Variants in CCL17 observed in about 807,000 individuals in gnomAD.
CCL17 encodes the protein C-C motif chemokine 17.
CCL17 carries 8 observed loss-of-function variants against 7.4 expected under a neutral mutation model. That is an observed-to-expected ratio of 1.09 (90% CI 0.64 to 1.96). The LOEUF (loss-of-function observed/expected upper bound fraction) is 1.96. CCL17 is among the 30% of genes most tolerant of loss of function. The pLI, the probability that CCL17 is intolerant of heterozygous loss-of-function variation, is 0.00. For synonymous variants in CCL17, 40 were observed against 46.1 expected, an observed-to-expected ratio of 0.87 and a Z score of 0.54; for missense variants, 102 against 113.0, an observed-to-expected ratio of 0.90 and a Z score of 0.44.
At chr16:57,413,675 C>T (rs1158310221) in intron 1 of CCL17, among the ~76,000 whole-genome samples, 199 bp from the exon 2 acceptor site, 7 of 152,238 alleles carry the variant, frequency 4.6e-5, no homozygotes, top group African/African-American at 1.7e-4. Flanking sequence ...GCTCTAGACA[C>T]ATGTACCCCA....
chr16:57,415,675 G>T lies in CCL17; in HGVS notation c.189-90G>T. ...ACTTCCTGCCCCTCTTGGAGCCTTG[G>T]AATCCTGGTCAGCACAGGGCGGGCC... is the stretch of plus-strand genomic sequence containing the variant. On this transcript the variant is annotated intron_variant, in intron 3 of 3. Transcript: ENST00000219244. This position sits in a 1 kb window ranked among gnomAD's most constrained non-coding sequence, Gnocchi z 4.5. The T allele has an allele frequency of 3.7e-6, 3 of 809,564 alleles. No individual in the cohort carries two copies. The South Asian group carries it at 4.2e-5, about 11-fold the overall frequency. The allele number at this position is 809,564 out of a possible 1,614,324, so 50.1% of individuals were successfully genotyped here. A position where few individuals can be genotyped will look rare whatever the true frequency, so the allele number is the denominator to read the frequency against.
upstream of CCL17, among the ~76,000 whole-genome samples, chr16:57,403,525 TG>T (rs1902641289): frequency 6.9e-5 from 2 of 29,064 alleles, no homozygotes; most frequent in African/African-American, 4.1e-4. Flanking sequence ...ATTATATATA[TG>T]TTATATATAT....
chr16:57,401,810 C>G (rs1343341822), upstream of CCL17, among the ~76,000 whole-genome samples: 2 of 152,198 alleles, frequency 1.3e-5, no homozygotes, highest in Admixed American at 1.3e-4. Context: ...CAATCACTCT[C>G]CTGTGCCCCT....
At chr16:57,411,791 G>A (rs1210494138) in intron 1 of CCL17, among the ~76,000 whole-genome samples, 1 of 152,234 alleles carries the variant, frequency 6.6e-6, no homozygotes, top group Non-Finnish European at 1.5e-5. Context: ...GGTCAGGGCT[G>A]CCCTGTGCCT....
At chr16:57,403,673 TTGAGATA>T (rs1902654215), upstream of CCL17, among the ~76,000 whole-genome samples, 2 of 105,662 alleles carry the variant, frequency 1.9e-5, no homozygotes, top group Non-Finnish European at 3.6e-5. Context: ...TATATATTTT[TTGAGATA>T]GAGTCTTGCT....
At chr16:57,403,742 T>G (rs1226368109), upstream of CCL17, among the ~76,000 whole-genome samples, 1 of 137,080 alleles carries the variant, frequency 7.3e-6, no homozygotes, top group African/African-American at 2.8e-5. Flanking sequence ...CTGCAACCTC[T>G]GCCTCCTGGG....
intron 1 of CCL17, among the ~76,000 whole-genome samples, chr16:57,411,863 G>A (rs1453353986): frequency 1.3e-5 from 2 of 152,234 alleles, no homozygotes; most frequent in Non-Finnish European, 2.9e-5. Flanking sequence ...GAGCTACTCT[G>A]AGGCTGCCCC....
chr16:57,397,902 C>T, the CCL17 span, among the ~76,000 whole-genome samples: 1 of 152,144 alleles, frequency 6.6e-6, no homozygotes, highest in South Asian at 2.1e-4. Context: ...CCATTCTCCG[C>T]AAATGAACTT....
chr16:57,412,677 G>T (rs1455992865), intron 1 of CCL17, among the ~76,000 whole-genome samples: 1 of 152,134 alleles, frequency 6.6e-6, no homozygotes, highest in Non-Finnish European at 1.5e-5. Flanking sequence ...CCAGGCCAAG[G>T]TCCCCCATGT....
intron 1 of CCL17, among the ~76,000 whole-genome samples, chr16:57,408,085 A>G (rs996145616): frequency 6.7e-6 from 1 of 149,658 alleles, no homozygotes; most frequent in Non-Finnish European, 1.5e-5. Flanking sequence ...CCATCCATCT[A>G]CCCATCCATT....
At chr16:57,411,890 G>A (rs1902790089) in intron 1 of CCL17, among the ~76,000 whole-genome samples, 1 of 152,236 alleles carries the variant, frequency 6.6e-6, no homozygotes, top group Admixed American at 6.5e-5. Flanking sequence ...TCTCTGGGAT[G>A]TTGGCACCAA....
upstream of CCL17, among the ~76,000 whole-genome samples, chr16:57,403,540 AAATATATATTTTAT>A: frequency 3.0e-5 from 1 of 32,886 alleles, no homozygotes; most frequent in African/African-American, 2.4e-4. Flanking sequence ...TATATATTAT[AAATATATATTTTAT>A]ATATATATAA....
At chr16:57,407,778 A>T (rs1309473378) in intron 1 of CCL17, among the ~76,000 whole-genome samples, 2 of 151,460 alleles carry the variant, frequency 1.3e-5, no homozygotes, top group African/African-American at 4.9e-5. Context: ...CCACCCATTC[A>T]TTCATCCATT....
In CCL17 at chr16:57,415,878, A is replaced by T. The variant is rs559175146; in HGVS notation, c.*17A>T. The T allele has an allele frequency of 6.7e-7, 1 of 1,503,756 alleles. No homozygotes were observed. The highest frequency in any genetic ancestry group is 1.1e-5 in the South Asian group (1 of 88,784). The allele number at this position is 1,503,756 out of a possible 1,614,324, so 93.2% of individuals were successfully genotyped here. A position where few individuals can be genotyped will look rare whatever the true frequency, so the allele number is the denominator to read the frequency against. On this transcript the variant is annotated 3_prime_UTR_variant, in exon 4 of 4. Transcript: ENST00000219244. This position sits in a 1 kb window ranked among gnomAD's most constrained non-coding sequence, Gnocchi z 4.5. ...AGGTCTTGAAGCCTCCTCACCCCAGACTCCTGACTGTCTCCCGGGACTACC... is the reference window on the plus strand; with the variant it reads ...AGGTCTTGAAGCCTCCTCACCCCAGTCTCCTGACTGTCTCCCGGGACTACC...
chr16:57,413,169 A>C (rs1455161032), intron 1 of CCL17, among the ~76,000 whole-genome samples: 2 of 152,122 alleles, frequency 1.3e-5, no homozygotes, highest in Admixed American at 1.3e-4. Flanking sequence ...CATTTAGGGG[A>C]ACGTGGTTTC....
At chr16:57,403,137 T>TA (rs559904362), upstream of CCL17, among the ~76,000 whole-genome samples, 36 of 97,370 alleles carry the variant, frequency 3.7e-4, no homozygotes, top group East Asian at 5.3e-3. Context: ...ATAATATATA[T>TA]TATTATCTAT....
intron 1 of CCL17, among the ~76,000 whole-genome samples, chr16:57,408,189 T>G (rs947353423): frequency 4.0e-5 from 6 of 151,824 alleles, no homozygotes; most frequent in Admixed American, 6.6e-5. Context: ...AATCCATCTA[T>G]CCATCATCCA....
In CCL17 at chr16:57,415,120, A is replaced by G; in HGVS notation, c.110A>G (p.Tyr37Cys). 1 of 1,613,982 alleles carries G rather than the reference A, an allele frequency of 6.2e-7. No homozygotes were observed. Among genetic ancestry groups the G allele is most frequent in the East Asian group, 2.2e-5 (1 of 44,870 alleles). The change falls in exon 3 of 4, where the codon TAC becomes TGC. Residue 37 changes from tyrosine (Y) to cysteine (C), a missense_variant. Coordinates refer to ENST00000219244, the MANE Select transcript of CCL17 (RefSeq NM_002987.3). This position sits in a 1 kb window ranked among gnomAD's most constrained non-coding sequence, Gnocchi z 4.5. ...GTGGGCCGGGAGTGCTGCCTGGAGT[A>G]CTTCAAGGGAGCCATTCCCCTTAGA... The part of the protein sequence containing the change: ...TNVGRECCLE[Y>C]FKGAIPLRKL...
In CCL17 at chr16:57,411,332, C is replaced by A. The variant is rs530280296; in HGVS notation, c.-59-2542C>A. ...GCACAGCCCCCAGAGGCTCAGCTGCCCCTGCCAGCCAGGCAGCCTGCACCA... is the reference window on the plus strand; with the variant it reads ...GCACAGCCCCCAGAGGCTCAGCTGCACCTGCCAGCCAGGCAGCCTGCACCA... On this transcript the variant is annotated intron_variant, in intron 1 of 3. Coordinates refer to ENST00000219244, the MANE Select transcript of CCL17 (RefSeq NM_002987.3). 2.6e-5 allele frequency among the ~76,000 whole-genome samples: 4 copies of A among 152,210 alleles called. No individual in the cohort carries two copies. In the East Asian group the frequency reaches 7.8e-4, roughly 30 times the overall value.
Sources: gnomAD v4.1 joint callset for allele counts (sites outside exome capture counted in the v4.1 genomes callset) on GRCh38, gnomAD v4.1.1 for gene constraint, Gnocchi (gnomAD v3.1) non-coding constraint, MANE v1.5 for transcripts, NCBI Gene and HGNC (gene_info 2026-07-23, HGNC 2026-07-21) for gene names.